The following TEAD1 variants were observed in gnomAD, a reference collection of about 807,000 sequenced individuals.
TEAD1 encodes TEA domain transcription factor 1.
TEAD1 carries 9 observed loss-of-function variants against 54.9 expected under a neutral mutation model. The observed-to-expected ratio is 0.16, with a 90% CI of 0.10 to 0.29. The LOEUF (loss-of-function observed/expected upper bound fraction) is 0.29, where lower values mean the gene tolerates loss of function less well. Ranked by LOEUF, TEAD1 falls within the 10% of genes least tolerant of loss-of-function variation. The pLI is 1.00. For synonymous variants in TEAD1, 200 were observed against 187.8 expected, an observed-to-expected ratio of 1.07 and a Z score of -0.53; for missense variants, 387 against 535.9, an observed-to-expected ratio of 0.72 and a Z score of 2.74.
intron 2 of TEAD1, among the ~76,000 whole-genome samples, chr11:12,716,756 T>G (rs930386190): frequency 6.6e-6 from 1 of 152,258 alleles, no homozygotes; most frequent in African/African-American, 2.4e-5. Flanking sequence ...TTTTCAACCA[T>G]TAAGGAATGT....
intron 3 of TEAD1, among the ~76,000 whole-genome samples, chr11:12,808,009 T>A (rs1397307048): frequency 6.6e-6 from 1 of 152,184 alleles, no homozygotes; most frequent in Non-Finnish European, 1.5e-5. Context: ...TCTTTGGGTA[T>A]GAAACATAAG....
rs1949120683 is a variant in TEAD1 at position 12,937,480 on chromosome 11, TGTGCAGCCCACAATTCCTC to T, written c.*260_*278del. On this transcript the variant is annotated 3_prime_UTR_variant, in exon 13 of 13. Coordinates refer to ENST00000527636, the MANE Select transcript of TEAD1 (RefSeq NM_021961.6). ...GAGTTGTTTCTCTATGTTCTTCAGA[TGTGCAGCCCACAATTCCTC>T]GGGAAAGGTGAACCTGAACAACCCA... 2.9e-6 allele frequency: 1 copy of T among 339,066 alleles called. No individual in the cohort carries two copies. The highest frequency in any genetic ancestry group is 5.6e-6 in the Non-Finnish European group (1 of 180,002). The allele number at this position is 339,066 out of a possible 1,614,324, so 21.0% of individuals were successfully genotyped here. A position where few individuals can be genotyped will look rare whatever the true frequency, so the allele number is the denominator to read the frequency against.
At position 12,734,414 on chromosome 11, in the gene TEAD1, GA is replaced by G. The variant is rs549806256; in HGVS notation, c.-54-29757del. On this transcript the variant is annotated intron_variant, in intron 2 of 12. Coordinates refer to ENST00000527636, the MANE Select transcript of TEAD1 (RefSeq NM_021961.6). Reference sequence around the variant, plus strand: ...AGTGAGCTAAGGTTATTTTATAATTGAAAAAAAATTAAAAATAAATTTAGTG... The same window carrying G: ...AGTGAGCTAAGGTTATTTTATAATTGAAAAAAATTAAAAATAAATTTAGTG... Among the ~76,000 whole-genome samples the G allele has an allele frequency of 4.9e-4, 75 of 151,760 alleles. No homozygotes were observed. In the South Asian group the frequency reaches 6.3e-3, roughly 13 times the overall value.
chr11:12,878,749 T>C, intron 5 of TEAD1: 1 of 390,798 alleles, frequency 2.6e-6, no homozygotes, highest in South Asian at 3.9e-5. Flanking sequence ...TGCATTTTAT[T>C]GTTCCCAAGT....
At chr11:12,878,001 C>G (rs1947889530) in intron 5 of TEAD1, among the ~76,000 whole-genome samples, 1 of 151,668 alleles carries the variant, frequency 6.6e-6, no homozygotes, top group South Asian at 2.1e-4. Flanking sequence ...GAGACAGGGT[C>G]TCTCTATGTA....
chr11:12,894,327 G>A (rs10766003), intron 9 of TEAD1, among the ~76,000 whole-genome samples: 116,561 of 151,980 alleles, frequency 0.77, 46,385 homozygotes, highest in Admixed American at 0.86. Context: ...AGGACTAGCA[G>A]ATTTGTAGGG....
chr11:12,813,407 T>C (rs1235244848), intron 3 of TEAD1, among the ~76,000 whole-genome samples: 1 of 152,190 alleles, frequency 6.6e-6, no homozygotes, highest in African/African-American at 2.4e-5. Context: ...GGATGAGCAC[T>C]GTGGATCATC....
intron 3 of TEAD1, among the ~76,000 whole-genome samples, chr11:12,793,570 G>A (rs1457248740): frequency 6.6e-6 from 1 of 151,980 alleles, no homozygotes; most frequent in African/African-American, 2.4e-5. Context: ...AGTATTGTCT[G>A]TCTTATTAGT....
intron 9 of TEAD1, among the ~76,000 whole-genome samples, chr11:12,901,193 A>G (rs7937912): frequency 0.033 from 4,966 of 152,274 alleles, 263 homozygotes; most frequent in African/African-American, 0.11. Flanking sequence ...TCCAGTTACC[A>G]TGTCTTATCC....
chr11:12,825,057 T>C (rs986142378), intron 3 of TEAD1, among the ~76,000 whole-genome samples: 7 of 152,342 alleles, frequency 4.6e-5, no homozygotes, highest in African/African-American at 1.7e-4. Flanking sequence ...TTTATTTGTA[T>C]GTGATCATGG....
intron 5 of TEAD1, 89 bp downstream of exon 5, chr11:12,864,989 T>C: frequency 1.4e-6 from 2 of 1,443,938 alleles, no homozygotes; most frequent in Admixed American, 1.7e-5. Flanking sequence ...GGTGCTGGGA[T>C]TCTCGTAACC....
chr11:12,867,635 C>T lies in TEAD1; in HGVS notation c.330+2735C>T, dbSNP rs542235669. Among the ~76,000 whole-genome samples, 9 of 152,326 alleles carry T rather than the reference C, an allele frequency of 5.9e-5. No individual in the cohort carries two copies. In the South Asian group the frequency reaches 1.5e-3, roughly 25 times the overall value. On this transcript the variant is annotated intron_variant, in intron 5 of 12. Coordinates refer to ENST00000527636, the MANE Select transcript of TEAD1 (RefSeq NM_021961.6). ...AACTCTGTTGATGTCCCAGCTCCATCCATACCCCCTTGTTCAGCTCTGGAA... is the reference window on the plus strand; with the variant it reads ...AACTCTGTTGATGTCCCAGCTCCATTCATACCCCCTTGTTCAGCTCTGGAA...
At chr11:12,868,274 G>A (rs902542889) in intron 5 of TEAD1, among the ~76,000 whole-genome samples, 5 of 152,152 alleles carry the variant, frequency 3.3e-5, no homozygotes, top group Non-Finnish European at 7.3e-5. Flanking sequence ...CAAATCCTTA[G>A]TAATGGCCTC....
intron 2 of TEAD1, among the ~76,000 whole-genome samples, chr11:12,749,823 C>A (rs772745094): frequency 6.6e-6 from 1 of 152,158 alleles, no homozygotes; most frequent in African/African-American, 2.4e-5. Context: ...CTCACTTATC[C>A]TGCCTCAGCC....
chr11:12,865,150 G>A, intron 5 of TEAD1: 2 of 542,638 alleles, frequency 3.7e-6, no homozygotes, highest in Non-Finnish European at 6.7e-6. Context: ...TAATAACAAT[G>A]CAAATGCAGC....
intron 3 of TEAD1, among the ~76,000 whole-genome samples, chr11:12,766,991 C>T (rs1006188152): frequency 5.9e-5 from 9 of 152,114 alleles, no homozygotes; most frequent in Admixed American, 5.9e-4. Context: ...TGTCTCTGGT[C>T]GACATGAGGA....
intron 2 of TEAD1, among the ~76,000 whole-genome samples, chr11:12,704,156 T>G (rs1943764466): frequency 6.6e-6 from 1 of 152,212 alleles, no homozygotes. Flanking sequence ...GGAGCTCCCC[T>G]CCATATACCT....
intron 3 of TEAD1, among the ~76,000 whole-genome samples, chr11:12,828,707 A>C (rs1486868006): frequency 7.0e-6 from 1 of 143,814 alleles, no homozygotes; most frequent in Non-Finnish European, 1.5e-5. Flanking sequence ...GGTACCTATT[A>C]ACCAAAAAAT....
At chr11:12,749,404 C>A (rs1944817607) in intron 2 of TEAD1, among the ~76,000 whole-genome samples, 1 of 152,150 alleles carries the variant, frequency 6.6e-6, no homozygotes, top group Admixed American at 6.5e-5. Context: ...ATTCCCCCTG[C>A]CTGACACTCC....
Sources: allele counts gnomAD v4.1 joint callset (sites outside exome capture counted in the v4.1 genomes callset), GRCh38; gene constraint gnomAD v4.1.1; transcripts MANE v1.5; gene names NCBI Gene and HGNC (gene_info 2026-07-23, HGNC 2026-07-21).